CSF3R: variants seen among roughly 807,000 people sequenced by gnomAD.
The protein encoded by CSF3R is colony stimulating factor 3 receptor, also known as granulocyte colony-stimulating factor receptor.
Under a neutral mutation model 84.4 loss-of-function variants are expected in CSF3R, and 52 were observed. That is an observed-to-expected ratio of 0.62 (90% CI 0.49 to 0.78). The LOEUF is 0.78. Ranked by LOEUF, CSF3R falls within the 30% of genes least tolerant of loss-of-function variation. The pLI is 0.00. For missense variants in CSF3R, 890 were observed against 1,055.7 expected, an observed-to-expected ratio of 0.84 and a Z score of 2.17; for synonymous variants, 384 against 429.1, an observed-to-expected ratio of 0.89 and a Z score of 1.30.
Position 36,466,799 on chromosome 1 carries a change from G to A in CSF3R, c.2069C>T (p.Thr690Met), listed in dbSNP as rs764345289. 1.7e-5 allele frequency: 27 copies of A among 1,614,176 alleles called. 2 individuals are homozygous for A. The highest frequency in any genetic ancestry group is 1.6e-4 in the Middle Eastern group (1 of 6,062). ...CACTGTGAGCTTGGTGATGGGTGGC[G>A]TGCCAAGGCCGGGCAGCTGGAAGGC... The part of the protein sequence containing the change: ...EDAFQLPGLG[T>M]PPITKLTVLE... The change falls in exon 17 of 17, where the codon ACG becomes ATG. Residue 690 changes from threonine to methionine, a missense_variant. Coordinates refer to ENST00000373106, the MANE Select transcript of CSF3R (RefSeq NM_000760.4). The surrounding 1 kb of genome is among the most constrained non-coding windows in gnomAD (Gnocchi z 4.6).
At chr1:36,475,707 C>A in intron 3 of CSF3R, 34 bp from the exon 4 acceptor site, 1 of 1,591,244 alleles carries the variant, frequency 6.3e-7, no homozygotes, top group Admixed American at 1.7e-5. Context: ...GGAACGACGC[C>A]TCTGCCTAGC....
At position 36,472,775 on chromosome 1, in the gene CSF3R, A is replaced by G; in HGVS notation, c.674-89T>C. On this transcript the variant is annotated intron_variant, in intron 6 of 16. Transcript: ENST00000373106. This position sits in a 1 kb window ranked among gnomAD's most constrained non-coding sequence, Gnocchi z 5.0. ...CCTCTTGTCTCCCTGTCTGTGGTTCACCATCTGTCCACGTTGCCAATGACA... is the reference window on the plus strand; with the variant it reads ...CCTCTTGTCTCCCTGTCTGTGGTTCGCCATCTGTCCACGTTGCCAATGACA... 7.1e-7 allele frequency: 1 copy of G among 1,410,286 alleles called. No individual in the cohort carries two copies. The highest frequency in any genetic ancestry group is 9.4e-7 in the Non-Finnish European group (1 of 1,063,214). 87.4% of individuals were successfully genotyped at this position (1,410,286 alleles called of 1,614,324 possible). A position where few individuals can be genotyped will look rare whatever the true frequency, so the allele number is the denominator to read the frequency against.
At position 36,466,659 on chromosome 1, in the gene CSF3R, A is replaced by G. The variant is rs1251284144; in HGVS notation, c.2209T>C (p.Ser737Pro). ...CCAGACTGGGATTGGGGCTGGGTGG[A>G]AACTGCTCTTGGGTCCCCCTGGAGC... The part of the protein sequence containing the change: ...YVLQGDPRAV[S>P]TQPQSQSGTS... Residue 737 changes from serine (S) to proline (P), a missense_variant, in exon 17 of 17, where the codon TCC becomes CCC. Coordinates refer to ENST00000373106, the MANE Select transcript of CSF3R (RefSeq NM_000760.4). The surrounding 1 kb of genome is among the most constrained non-coding windows in gnomAD (Gnocchi z 4.6). The G allele has an allele frequency of 1.2e-6, 2 of 1,614,134 alleles. No homozygotes were observed. Among genetic ancestry groups the G allele is most frequent in the Non-Finnish European group, 1.7e-6 (2 of 1,180,014 alleles).
At chr1:36,471,406 G>A in intron 10 of CSF3R, 27 bp downstream of exon 10, 2 of 1,600,224 alleles carry the variant, frequency 1.2e-6, no homozygotes, top group Non-Finnish European at 1.7e-6. Context: ...TGACCTCTGT[G>A]CTCTTCTGGC....
At position 36,468,136 on chromosome 1, in the gene CSF3R, C is replaced by T. The variant is rs147867295; in HGVS notation, c.1662G>A (p.Leu554=). ...QLEWVPEPPE[L]GKSPLTHYTI... ...TGTAGTGGGTAAGGGGGCTCTTCCCCAGCTCAGGGGGCTCAGGCACCCACT... is the reference window on the plus strand; with the variant it reads ...TGTAGTGGGTAAGGGGGCTCTTCCCTAGCTCAGGGGGCTCAGGCACCCACT... The change falls in exon 13 of 17, where the codon CTG becomes CTA. Residue 554 remains leucine, a synonymous_variant. Transcript: ENST00000373106. 21 of 1,613,940 alleles carry T rather than the reference C, an allele frequency of 1.3e-5. No individual in the cohort carries two copies. The highest frequency in any genetic ancestry group is 6.6e-5 in the South Asian group (6 of 91,074).
rs368365291 is a variant in CSF3R at position 36,468,009 on chromosome 1, T to C, written c.1724-47A>G. The C allele has an allele frequency of 3.1e-6, 5 of 1,614,144 alleles. No homozygotes were observed. The African/African-American group carries it at 5.3e-5, about 17-fold the overall frequency. On this transcript the variant is annotated intron_variant, in intron 13 of 16. Coordinates refer to ENST00000373106, the MANE Select transcript of CSF3R (RefSeq NM_000760.4). ...CATAGGCCTGGATGGTAAAGCTGCCTCCGTGGCAGCTGAGCACCCCCTTCC... is the reference window on the plus strand; with the variant it reads ...CATAGGCCTGGATGGTAAAGCTGCCCCCGTGGCAGCTGAGCACCCCCTTCC...
At chr1:36,468,843 G>A in intron 12 of CSF3R, 3 of 371,646 alleles carry the variant, frequency 8.1e-6, no homozygotes, top group Non-Finnish European at 1.6e-5. Flanking sequence ...TTACAGGTGT[G>A]AGCCACTGCA....
In CSF3R at chr1:36,467,652, C is replaced by CTGCAG; in HGVS notation, c.1865-6_1865-2dup. On this transcript the variant is annotated splice_acceptor_variant, in intron 14 of 16. Coordinates refer to ENST00000373106, the MANE Select transcript of CSF3R (RefSeq NM_000760.4). LOFTEE classifies it high-confidence loss of function. This position sits in a 1 kb window ranked among gnomAD's most constrained non-coding sequence, Gnocchi z 4.1. ...AGGATGATGTGTAGCTCCGACCCCT[C>CTGCAG]TGCAGTGAGGGCAGGGCCGGAAGAA... is the stretch of plus-strand genomic sequence containing the variant. 6.2e-7 allele frequency: 1 copy of CTGCAG among 1,614,206 alleles called. No individual in the cohort carries two copies. Among genetic ancestry groups the CTGCAG allele is most frequent in the Non-Finnish European group, 8.5e-7 (1 of 1,180,034 alleles).
Position 36,467,713 on chromosome 1 carries a change from C to G in CSF3R, c.1865-62G>C. On this transcript the variant is annotated intron_variant, in intron 14 of 16. Coordinates refer to ENST00000373106, the MANE Select transcript of CSF3R (RefSeq NM_000760.4). The surrounding 1 kb of genome is among the most constrained non-coding windows in gnomAD (Gnocchi z 4.1). ...ATGTTGGGAAGGCTGGGTCTCCTCC[C>G]TCCGACCAGGGGATTCAAAGTCAGT... 1 of 1,611,902 alleles carries G rather than the reference C, an allele frequency of 6.2e-7. No individual in the cohort carries two copies. The highest frequency in any genetic ancestry group is 8.5e-7 in the Non-Finnish European group (1 of 1,177,958).
In CSF3R at chr1:36,466,856, C is replaced by A. The variant is rs200280777; in HGVS notation, c.2041-29G>T. ...CACACAAGGATGTGGGGTGAGAGCACGGCTCATTTCAGATGTCTGCCCCAG... is the reference window on the plus strand; with the variant it reads ...CACACAAGGATGTGGGGTGAGAGCAAGGCTCATTTCAGATGTCTGCCCCAG... On this transcript the variant is annotated intron_variant, in intron 16 of 16. Coordinates refer to ENST00000373106, the MANE Select transcript of CSF3R (RefSeq NM_000760.4). The surrounding 1 kb of genome is among the most constrained non-coding windows in gnomAD (Gnocchi z 4.6). 5.0e-6 allele frequency: 8 copies of A among 1,614,096 alleles called. No individual in the cohort carries two copies. Among genetic ancestry groups the A allele is most frequent in the Non-Finnish European group, 5.9e-6 (7 of 1,180,004 alleles).
chr1:36,479,582 G>A lies in CSF3R; in HGVS notation c.-20-66C>T, dbSNP rs963832827. 12 of 1,288,948 alleles carry A rather than the reference G, an allele frequency of 9.3e-6. No individual in the cohort carries two copies. In the African/African-American group the frequency reaches 1.8e-4, roughly 19 times the overall value. The allele number at this position is 1,288,948 out of a possible 1,614,324, so 79.8% of individuals were successfully genotyped here. Reference sequence around the variant, plus strand: ...TCAGAGCTGATCTTAATCCTTGTCTGTCACTGTGCAGCTTTGACTAGGTTG... The same window carrying A: ...TCAGAGCTGATCTTAATCCTTGTCTATCACTGTGCAGCTTTGACTAGGTTG... On this transcript the variant is annotated intron_variant, in intron 2 of 16. Coordinates refer to ENST00000373106, the MANE Select transcript of CSF3R (RefSeq NM_000760.4).
intron 4 of CSF3R, 131 bp from the exon 5 acceptor site, chr1:36,474,018 C>T: frequency 7.2e-7 from 1 of 1,391,662 alleles, no homozygotes; most frequent in Non-Finnish European, 1.0e-6. Context: ...CCCCCTGTCT[C>T]CAGGCAGAGT....
At position 36,471,427 on chromosome 1, in the gene CSF3R, C is replaced by G. The variant is rs777865258; in HGVS notation, c.1285+6G>C. 2 of 1,613,778 alleles carry G rather than the reference C, an allele frequency of 1.2e-6. No individual in the cohort carries two copies. The highest frequency in any genetic ancestry group is 1.7e-6 in the Non-Finnish European group (2 of 1,179,700). On this transcript the variant is annotated splice_donor_region_variant and intron_variant, in intron 10 of 16. Coordinates refer to ENST00000373106, the MANE Select transcript of CSF3R (RefSeq NM_000760.4). Reference sequence around the variant, plus strand: ...CTGTGCTCTTCTGGCTGCCAGCCCCCTTTACCTCTGCTTTCTGAGAAGACC... The same window carrying G: ...CTGTGCTCTTCTGGCTGCCAGCCCCGTTTACCTCTGCTTTCTGAGAAGACC...
At chr1:36,478,453 C>T (rs3917931) in intron 3 of CSF3R, among the ~76,000 whole-genome samples, 50,263 of 151,768 alleles carry the variant, frequency 0.33, 9,224 homozygotes, top group Admixed American at 0.45. Flanking sequence ...CGCTTGAACC[C>T]GGCAGGCGGA....
chr1:36,479,939 A>C (rs966264048), intron 2 of CSF3R: 4 of 314,268 alleles, frequency 1.3e-5, no homozygotes, highest in Non-Finnish European at 2.5e-5. Flanking sequence ...AGAATGAAAC[A>C]GGGAAGGAGA....
rs144368887 is a variant in CSF3R, at chr1:36,466,281, C to T, written c.*76G>A. 368 of 1,611,440 alleles carry T rather than the reference C, an allele frequency of 2.3e-4. 2 individuals carry two copies. The African/African-American group carries it at 3.8e-3, about 17-fold the overall frequency. On this transcript the variant is annotated 3_prime_UTR_variant, in exon 17 of 17. Transcript: ENST00000373106. This position sits in a 1 kb window ranked among gnomAD's most constrained non-coding sequence, Gnocchi z 4.6. ...GGCTGGGGTAGTTTTTAGTCATGGG[C>T]TTATGGACCCTCCCCTCTTCTCCAG...
intron 10 of CSF3R, among the ~76,000 whole-genome samples, chr1:36,470,046 C>T (rs1005145369): frequency 6.6e-6 from 1 of 152,158 alleles, no homozygotes; most frequent in Non-Finnish European, 1.5e-5. Flanking sequence ...GATTAAATGA[C>T]TTGATGCACG....
rs1417203649 is a variant in CSF3R at position 36,475,423 on chromosome 1, C to A, written c.315G>T (p.Trp105Cys). ...GGTCCAGGATCTGCAGGCTGTTGCC[C>A]CAGTTCAGGCAGCAGGAGAGAAAGG... is the stretch of plus-strand genomic sequence containing the variant. The part of the protein sequence containing the change: ...TQAFLSCCLN[W>C]GNSLQILDQV... Residue 105 changes from tryptophan (W) to cysteine (C), a missense_variant, in exon 4 of 17, where the codon TGG becomes TGT. Trp to Cys is a radical substitution (Grantham distance 215, BLOSUM62 -2). Coordinates refer to ENST00000373106, the MANE Select transcript of CSF3R (RefSeq NM_000760.4). The A allele has an allele frequency of 6.2e-7, 1 of 1,613,992 alleles. No individual in the cohort carries two copies. The highest frequency in any genetic ancestry group is 8.5e-7 in the Non-Finnish European group (1 of 1,180,034).
chr1:36,469,072 C>T (rs1046580783), intron 12 of CSF3R, 84 bp downstream of exon 12: 1 of 999,702 alleles, frequency 1.0e-6, no homozygotes, highest in Non-Finnish European at 1.6e-6. Flanking sequence ...GCAATGTTCC[C>T]TATACTTCTG....
Sources: allele counts gnomAD v4.1 joint callset (sites outside exome capture counted in the v4.1 genomes callset), GRCh38; gene constraint gnomAD v4.1.1; non-coding constraint Gnocchi (gnomAD v3.1); transcripts MANE v1.5; gene names NCBI Gene and HGNC (gene_info 2026-07-23, HGNC 2026-07-21).